Variants in SYNE3 observed in about 807,000 individuals in gnomAD.
SYNE3 encodes spectrin repeat containing nuclear envelope family member 3.
Under a neutral mutation model 111.2 loss-of-function variants are expected in SYNE3, and 100 were observed. The ratio of observed to expected loss-of-function variants is 0.90; its 90% CI spans 0.77 to 1.06. The LOEUF is 1.06. SYNE3 is among the 50% of genes least tolerant of loss of function. SYNE3 has a pLI of 0.00. For missense variants in SYNE3, 1,160 were observed against 1,240.3 expected (o/e 0.94, Z 0.97); for synonymous variants, 547 against 533.9 (o/e 1.02, Z -0.34).
chr14:95,445,301 G>C (rs1234856099), intron 9 of SYNE3, among the ~76,000 whole-genome samples: 1 of 152,164 alleles, frequency 6.6e-6, no homozygotes, highest in Non-Finnish European at 1.5e-5. Context: ...CAGTGTCCTC[G>C]TGTGTAAAAC....
intron 8 of SYNE3, among the ~76,000 whole-genome samples, chr14:95,448,847 T>C (rs1193517878): frequency 6.6e-6 from 1 of 152,230 alleles, no homozygotes; most frequent in East Asian, 1.9e-4. Context: ...TCCTCGGTCA[T>C]ACCAAGGTGG....
intron 2 of SYNE3, among the ~76,000 whole-genome samples, chr14:95,468,429 C>T (rs1470558775): frequency 6.6e-6 from 1 of 152,184 alleles, no homozygotes; most frequent in Non-Finnish European, 1.5e-5. Flanking sequence ...AACCCAGGGC[C>T]CAGCTGAGCC....
chr14:95,426,068 G>T (rs972003087), intron 17 of SYNE3, among the ~76,000 whole-genome samples: 1 of 152,236 alleles, frequency 6.6e-6, no homozygotes, highest in Non-Finnish European at 1.5e-5. Context: ...GGGGTGGAAG[G>T]TGAGTGACAG....
chr14:95,493,293 ATTAATGCACTTGCTTT>A (rs1351822844), intron 1 of SYNE3, among the ~76,000 whole-genome samples: 3 of 152,206 alleles, frequency 2.0e-5, no homozygotes, highest in Non-Finnish European at 2.9e-5. Context: ...CCAAGCATTT[ATTAATGCACTTGCTTT>A]TTAAGACAAC....
Position 95,428,321 on chromosome 14 carries a change from A to G in SYNE3, c.2727+3758T>C, listed in dbSNP as rs548612638. 3.3e-5 allele frequency among the ~76,000 whole-genome samples: 5 copies of G among 152,318 alleles called. No homozygotes were observed. The East Asian group carries it at 9.6e-4, about 29-fold the overall frequency. On this transcript the variant is annotated intron_variant, in intron 17 of 17. Transcript: ENST00000682763. ...ACACAACCCGCAAGCAGACATTTTAATTTAAAGGAATCTCAGGTTGGGGGT... is the reference window on the plus strand; with the variant it reads ...ACACAACCCGCAAGCAGACATTTTAGTTTAAAGGAATCTCAGGTTGGGGGT...
At position 95,466,061 on chromosome 14, in the gene SYNE3, TG is replaced by T. The variant is rs1888148202; in HGVS notation, c.496del (p.Gln166ArgfsTer32). 2 of 1,613,410 alleles carry T rather than the reference TG, an allele frequency of 1.2e-6. No homozygotes were observed. Among genetic ancestry groups the T allele is most frequent in the Non-Finnish European group, 1.7e-6 (2 of 1,179,476 alleles). ...CAGCAGCCGGTCCAGGAGCACCGCC[TG>T]GTTGTCCACGTTGTGCAGCAGCACC... ...AQVLLHNVDN[Q>X]AVLLDRLLEE... On this transcript the variant is annotated frameshift_variant, in exon 4 of 18. Coordinates refer to ENST00000682763, the MANE Select transcript of SYNE3 (RefSeq NM_152592.6). LOFTEE classifies it high-confidence loss of function.
intron 8 of SYNE3, 40 bp downstream of exon 8, chr14:95,449,891 G>GGCC: frequency 6.5e-7 from 1 of 1,537,874 alleles, no homozygotes; most frequent in Non-Finnish European, 8.8e-7. Context: ...CCCGCCAGTG[G>GGCC]CCCACCCCAG....
intron 1 of SYNE3, among the ~76,000 whole-genome samples, chr14:95,504,215 C>A (rs745895535): frequency 1.3e-5 from 2 of 152,196 alleles, no homozygotes; most frequent in Admixed American, 6.5e-5. Context: ...GCATCTGTGG[C>A]TGCTTTCTCG....
At chr14:95,465,697 A>G (rs1283929662) in intron 4 of SYNE3, among the ~76,000 whole-genome samples, 2 of 151,930 alleles carry the variant, frequency 1.3e-5, no homozygotes, top group Admixed American at 6.6e-5. Flanking sequence ...GTGTGGGTGG[A>G]TAGTGAAGGG....
intron 1 of SYNE3, among the ~76,000 whole-genome samples, chr14:95,482,670 C>T (rs1045147339): frequency 6.6e-6 from 1 of 152,032 alleles, no homozygotes; most frequent in Non-Finnish European, 1.5e-5. Context: ...AACTGAGACT[C>T]GGAGACACAA....
chr14:95,456,003 A>G (rs1268418837), intron 5 of SYNE3: 1 of 442,666 alleles, frequency 2.3e-6, no homozygotes, highest in Non-Finnish European at 4.0e-6. Flanking sequence ...ACACTTTCTG[A>G]CATTTGTTTA....
In SYNE3 at chr14:95,445,996, G is replaced by A. The variant is rs1566965493; in HGVS notation, c.1545C>T (p.Ala515=). Residue 515 remains alanine (A), a synonymous_variant, in exon 9 of 18, where the codon GCC becomes GCT. Transcript: ENST00000682763. ...LLIGIFGQER[A]TALLEQVAGS... is the part of the protein sequence containing the mutation. ...CTGCCACCTGCTCCAGGAGTGCCGT[G>A]GCTCTCTCCTGGCCAAAGATGCCAA... 1 of 1,614,134 alleles carries A rather than the reference G, an allele frequency of 6.2e-7. No homozygotes were observed. Among genetic ancestry groups the A allele is most frequent in the Admixed American group, 1.7e-5 (1 of 60,030 alleles).
intron 2 of SYNE3, among the ~76,000 whole-genome samples, chr14:95,474,822 G>C (rs745561745): frequency 6.6e-6 from 1 of 152,210 alleles, no homozygotes; most frequent in Non-Finnish European, 1.5e-5. Context: ...AGCCTGGCTG[G>C]GTGACTGGTT....
intron 1 of SYNE3, among the ~76,000 whole-genome samples, chr14:95,477,671 G>A (rs1012859531): frequency 6.6e-6 from 1 of 152,160 alleles, no homozygotes; most frequent in Non-Finnish European, 1.5e-5. Flanking sequence ...GGAGGTGGGC[G>A]ACGTAGCGGG....
chr14:95,409,443 C>A lies in SYNE3; in HGVS notation c.*8383G>T. On this transcript the variant is annotated 3_prime_UTR_variant, in exon 18 of 18. Transcript: ENST00000682763. Reference sequence around the variant, plus strand: ...TGGCCTGGTGTTCCTGGTTGCTGAGCTCAGAAGCAAGCGTTTCAGAAAGGA... The same window carrying A: ...TGGCCTGGTGTTCCTGGTTGCTGAGATCAGAAGCAAGCGTTTCAGAAAGGA... 1 of 446,534 alleles carries A rather than the reference C, an allele frequency of 2.2e-6. No individual in the cohort carries two copies. The highest frequency in any genetic ancestry group is 4.5e-6 in the Non-Finnish European group (1 of 222,714). The allele number at this position is 446,534 out of a possible 1,614,324, so 27.7% of individuals were successfully genotyped here. A position where few individuals can be genotyped will look rare whatever the true frequency, so the allele number is the denominator to read the frequency against.
At chr14:95,447,960 C>A (rs1268193974) in intron 8 of SYNE3, among the ~76,000 whole-genome samples, 3 of 152,170 alleles carry the variant, frequency 2.0e-5, no homozygotes, top group African/African-American at 7.2e-5. Flanking sequence ...AAATCAGAAA[C>A]AACCTAAGCC....
intron 4 of SYNE3, among the ~76,000 whole-genome samples, chr14:95,458,747 G>A (rs1195498182): frequency 6.6e-6 from 1 of 152,188 alleles, no homozygotes; most frequent in Non-Finnish European, 1.5e-5. Flanking sequence ...CATCTCCCAG[G>A]GTCTAGCTCA....
intron 17 of SYNE3, among the ~76,000 whole-genome samples, chr14:95,425,343 T>A (rs777672429): frequency 3.9e-5 from 6 of 151,902 alleles, no homozygotes; most frequent in East Asian, 3.9e-4. Context: ...AAGAAGTCAG[T>A]CTGAAAGGCT....
intron 1 of SYNE3, among the ~76,000 whole-genome samples, chr14:95,507,287 G>A (rs952232955): frequency 2.6e-5 from 4 of 152,296 alleles, no homozygotes; most frequent in East Asian, 1.9e-4. Flanking sequence ...TTCCTAGTTC[G>A]TGTCCACCTC....
Sources: gnomAD v4.1 joint callset for allele counts (sites outside exome capture counted in the v4.1 genomes callset) on GRCh38, gnomAD v4.1.1 for gene constraint, MANE v1.5 for transcripts, NCBI Gene and HGNC (gene_info 2026-07-23, HGNC 2026-07-21) for gene names.